The following GPC5 variants were observed in gnomAD, a reference collection of about 807,000 sequenced individuals.
GPC5 encodes glypican 5.
GPC5 carries 47 observed loss-of-function variants against 53.9 expected under a neutral mutation model. The ratio of observed to expected loss-of-function variants is 0.87; its 90% confidence interval spans 0.69 to 1.11. The LOEUF (loss-of-function observed/expected upper bound fraction) is 1.11, where lower values mean the gene tolerates loss of function less well. Ranked by LOEUF, GPC5 falls within the 50% of genes most tolerant of loss-of-function variation. The pLI is 0.00. For missense variants in GPC5, 748 were observed against 713.1 expected (o/e 1.05, Z -0.56); for synonymous variants, 286 against 263.3 (o/e 1.09, Z -0.84).
chr13:92,573,095 G>C (rs1883082423), intron 7 of GPC5, among the ~76,000 whole-genome samples: 1 of 152,102 alleles, frequency 6.6e-6, no homozygotes, highest in South Asian at 2.1e-4. Context: ...GTGTACAGAG[G>C]TTGAATTTTA....
chr13:91,410,582 G>C (rs998986527), intron 1 of GPC5, among the ~76,000 whole-genome samples: 4 of 151,592 alleles, frequency 2.6e-5, no homozygotes, highest in African/African-American at 7.3e-5. Flanking sequence ...TCCTGACCTC[G>C]TGATCCGCCC....
intron 7 of GPC5, among the ~76,000 whole-genome samples, chr13:92,771,545 A>G (rs1875616093): frequency 1.3e-5 from 2 of 151,986 alleles, no homozygotes; most frequent in African/African-American, 4.8e-5. Flanking sequence ...GGGTTTCACC[A>G]TCTTAGCCAG....
chr13:92,256,034 T>C (rs1216653104), intron 7 of GPC5, among the ~76,000 whole-genome samples: 1 of 152,048 alleles, frequency 6.6e-6, no homozygotes, highest in African/African-American at 2.4e-5. Context: ...CCAACAACAT[T>C]GATGTTACTA....
chr13:91,629,189 AT>A (rs1220458803), intron 2 of GPC5, among the ~76,000 whole-genome samples: 1 of 152,104 alleles, frequency 6.6e-6, no homozygotes, highest in African/African-American at 2.4e-5. Context: ...GACAGGAATT[AT>A]TTTGTCCAGC....
At chr13:91,574,243 T>C (rs577690522) in intron 2 of GPC5, among the ~76,000 whole-genome samples, 2 of 152,310 alleles carry the variant, frequency 1.3e-5, no homozygotes, top group East Asian at 3.9e-4. Context: ...TTCTAGTCTC[T>C]GATGAGCTGT....
intron 6 of GPC5, among the ~76,000 whole-genome samples, chr13:91,960,782 T>G (rs1469259557): frequency 6.6e-6 from 1 of 151,898 alleles, no homozygotes; most frequent in Non-Finnish European, 1.5e-5. Flanking sequence ...GTATTTTTGA[T>G]AGAGGTGTCA....
intron 7 of GPC5, among the ~76,000 whole-genome samples, chr13:92,315,849 G>A (rs1358483015): frequency 6.6e-6 from 1 of 152,100 alleles, no homozygotes; most frequent in Non-Finnish European, 1.5e-5. Context: ...GCTGTGGTGT[G>A]GTTTATGCAA....
At chr13:92,244,958 A>C (rs1448286933) in intron 7 of GPC5, among the ~76,000 whole-genome samples, 1 of 151,502 alleles carries the variant, frequency 6.6e-6, no homozygotes, top group Non-Finnish European at 1.5e-5. Flanking sequence ...GAACTGCTTG[A>C]ACCCGGGAGG....
intron 7 of GPC5, among the ~76,000 whole-genome samples, chr13:92,208,345 T>A (rs2042352197): frequency 6.6e-6 from 1 of 152,220 alleles, no homozygotes. Flanking sequence ...CCCAGACCTA[T>A]ATGGGTGGGC....
rs550785151 is a variant in GPC5, at chr13:92,413,637, A to G, written c.1561+268648A>G. 3.9e-5 allele frequency among the ~76,000 whole-genome samples: 6 copies of G among 152,314 alleles called. No individual in the cohort carries two copies. In the South Asian group the frequency reaches 1.2e-3, roughly 32 times the overall value. On this transcript the variant is annotated intron_variant, in intron 7 of 7. Coordinates refer to ENST00000377067, the MANE Select transcript of GPC5 (RefSeq NM_004466.6). ...AACAAAATGAGGATCAAGGGTAGTG[A>G]AAACAGAATTGATTTTATCAAGAAC... is the stretch of plus-strand genomic sequence containing the variant.
intron 6 of GPC5, among the ~76,000 whole-genome samples, chr13:91,978,668 C>G (rs1025583756): frequency 6.6e-6 from 1 of 152,086 alleles, no homozygotes; most frequent in African/African-American, 2.4e-5. Flanking sequence ...TCAACCACAG[C>G]CAGTGGACCA....
At chr13:91,643,492 A>C (rs879445679) in intron 2 of GPC5, among the ~76,000 whole-genome samples, 3 of 152,214 alleles carry the variant, frequency 2.0e-5, no homozygotes, top group Non-Finnish European at 4.4e-5. Context: ...GAAATATTTT[A>C]TTTATAATAA....
At chr13:92,447,669 G>A (rs982503448) in intron 7 of GPC5, 1 of 152,098 alleles carries the variant, frequency 6.6e-6, no homozygotes, top group African/African-American at 2.4e-5. Context: ...ACATGGACAA[G>A]TAATTCCACT....
At chr13:91,744,961 CA>C (rs1456943244) in intron 4 of GPC5, among the ~76,000 whole-genome samples, 1 of 151,932 alleles carries the variant, frequency 6.6e-6, no homozygotes, top group Non-Finnish European at 1.5e-5. Flanking sequence ...TTAAAGTGAC[CA>C]AAAAATTATA....
At chr13:92,848,663 A>G (rs938252742) in intron 7 of GPC5, among the ~76,000 whole-genome samples, 3 of 152,260 alleles carry the variant, frequency 2.0e-5, no homozygotes, top group South Asian at 2.1e-4. Flanking sequence ...GTGTCTATAT[A>G]TATCTTAAGC....
chr13:91,745,710 A>C (rs1304594535), intron 4 of GPC5, among the ~76,000 whole-genome samples: 1 of 152,054 alleles, frequency 6.6e-6, no homozygotes, highest in Non-Finnish European at 1.5e-5. Flanking sequence ...CAGAGAGCAG[A>C]CTTAACAACT....
At chr13:91,599,461 A>G (rs2033104773) in intron 2 of GPC5, among the ~76,000 whole-genome samples, 1 of 152,170 alleles carries the variant, frequency 6.6e-6, no homozygotes, top group Non-Finnish European at 1.5e-5. Context: ...CCATAAGTAA[A>G]CATCATCATT....
rs16946884 is a variant in GPC5 at position 91,864,182 on chromosome 13, G to A, written c.1281-43755G>A. Among the ~76,000 whole-genome samples, 375 of 152,252 alleles carry A rather than the reference G, an allele frequency of 2.5e-3. 3 individuals are homozygous for A. Among genetic ancestry groups the A allele is most frequent in the African/African-American group, 8.4e-3 (351 of 41,552 alleles). On this transcript the variant is annotated intron_variant, in intron 5 of 7. Transcript: ENST00000377067. ...ATATGCCAGAGTTTTGAAGATTGAGGGAAAGGTTGAGCTTAAGTAATTTGA... is the reference window on the plus strand; with the variant it reads ...ATATGCCAGAGTTTTGAAGATTGAGAGAAAGGTTGAGCTTAAGTAATTTGA...
chr13:91,873,915 C>A (rs2039175340), intron 5 of GPC5, among the ~76,000 whole-genome samples: 1 of 152,134 alleles, frequency 6.6e-6, no homozygotes, highest in Non-Finnish European at 1.5e-5. Context: ...CTCCTGAACT[C>A]AAACTATCCT....
Sources: gnomAD v4.1 joint callset for allele counts (sites outside exome capture counted in the v4.1 genomes callset) on GRCh38, gnomAD v4.1.1 for gene constraint, MANE v1.5 for transcripts, NCBI Gene and HGNC (gene_info 2026-07-23, HGNC 2026-07-21) for gene names.